Variants in CFAP299 observed in about 807,000 individuals in gnomAD.
The protein encoded by CFAP299 is cilia- and flagella-associated protein 299.
CFAP299 carries 21 observed loss-of-function variants against 27.0 expected under a neutral mutation model. That is an observed-to-expected ratio of 0.78 (90% CI 0.55 to 1.12). The LOEUF (loss-of-function observed/expected upper bound fraction) is 1.12, where lower values mean the gene tolerates loss of function less well. CFAP299 is among the 50% of genes most tolerant of loss of function. The pLI, the probability that CFAP299 is intolerant of heterozygous loss-of-function variation, is 0.00. For missense variants in CFAP299, 310 were observed against 276.6 expected, an observed-to-expected ratio of 1.12 and a Z score of -0.86; for synonymous variants, 104 against 98.1, an observed-to-expected ratio of 1.06 and a Z score of -0.36.
chr4:80,611,484 G>A (rs755650676), intron 3 of CFAP299, among the ~76,000 whole-genome samples: 8 of 151,992 alleles, frequency 5.3e-5, no homozygotes. Context: ...CACTTGTTCT[G>A]TTTATTTTTT....
intron 3 of CFAP299, among the ~76,000 whole-genome samples, chr4:80,769,240 G>A (rs1726068325): frequency 6.6e-6 from 1 of 152,122 alleles, no homozygotes; most frequent in African/African-American, 2.4e-5. Context: ...ATACACTACG[G>A]TATGACATGA....
chr4:80,943,763 T>C (rs111750628), intron 4 of CFAP299, among the ~76,000 whole-genome samples: 5,814 of 152,202 alleles, frequency 0.038, 220 homozygotes, highest in African/African-American at 0.097. Flanking sequence ...AGGAAGTTTC[T>C]GTACAAAATA....
chr4:80,868,905 C>CTCTGTGTGTG (rs1435285713), intron 3 of CFAP299, among the ~76,000 whole-genome samples: 266 of 137,668 alleles, frequency 1.9e-3, no homozygotes, highest in African/African-American at 5.9e-3. Context: ...GCTTCTCTCT[C>CTCTGTGTGTG]TGTGTGTGTG....
At chr4:80,461,071 G>C (rs1434636621) in intron 2 of CFAP299, among the ~76,000 whole-genome samples, 1 of 152,134 alleles carries the variant, frequency 6.6e-6, no homozygotes, top group African/African-American at 2.4e-5. Context: ...ATGGGCAATT[G>C]GTTGAAAGAG....
At chr4:80,857,617 C>A (rs557328381) in intron 3 of CFAP299, among the ~76,000 whole-genome samples, 1 of 152,006 alleles carries the variant, frequency 6.6e-6, no homozygotes, top group Non-Finnish European at 1.5e-5. Context: ...TAGCATGAAG[C>A]GTTGTTGAAT....
chr4:80,608,842 G>T (rs1737814074), intron 3 of CFAP299, among the ~76,000 whole-genome samples: 1 of 142,426 alleles, frequency 7.0e-6, no homozygotes, highest in African/African-American at 2.6e-5. Flanking sequence ...TGTAAAACTG[G>T]GTAAAGCTTA....
chr4:80,416,927 G>A (rs1727041533), intron 2 of CFAP299, among the ~76,000 whole-genome samples: 1 of 152,204 alleles, frequency 6.6e-6, no homozygotes, highest in Non-Finnish European at 1.5e-5. Flanking sequence ...AATTCAGGGT[G>A]AGTCCATAGA....
At chr4:80,350,888 A>T (rs545686035) in intron 1 of CFAP299, among the ~76,000 whole-genome samples, 1 of 152,272 alleles carries the variant, frequency 6.6e-6, no homozygotes, top group Non-Finnish European at 1.5e-5. Context: ...ACCATGGCAC[A>T]TGTATACCTA....
intron 3 of CFAP299, among the ~76,000 whole-genome samples, chr4:80,617,071 G>C (rs1738329554): frequency 6.6e-6 from 1 of 151,900 alleles, no homozygotes; most frequent in South Asian, 2.1e-4. Context: ...AAAGATATAT[G>C]AATGAGAGTA....
At chr4:80,585,533 A>G (rs1414695800) in intron 3 of CFAP299, among the ~76,000 whole-genome samples, 1 of 152,162 alleles carries the variant, frequency 6.6e-6, no homozygotes, top group Non-Finnish European at 1.5e-5. Flanking sequence ...TCTCAAATAA[A>G]TGTGGGAGAG....
At chr4:80,364,780 G>C (rs6855317) in intron 2 of CFAP299, among the ~76,000 whole-genome samples, 1 of 152,054 alleles carries the variant, frequency 6.6e-6, no homozygotes, top group Non-Finnish European at 1.5e-5. Context: ...CAGGCTCACT[G>C]TGTGTCATTC....
rs1183472084 is a variant in CFAP299, at chr4:80,936,419, C to T, written c.477-8391C>T. On this transcript the variant is annotated intron_variant, in intron 4 of 5. Coordinates refer to ENST00000358105, the MANE Select transcript of CFAP299 (RefSeq NM_152770.3). ...TCAATAGTAAACAAGATAAAGAAAA[C>T]GTAGTACATATACAACACACCATGG... Among the ~76,000 whole-genome samples, 7 of 152,016 alleles carry T rather than the reference C, an allele frequency of 4.6e-5. No individual in the cohort carries two copies. The South Asian group carries it at 8.3e-4, about 18-fold the overall frequency.
chr4:80,386,747 G>A, intron 2 of CFAP299: 2 of 1,489,646 alleles, frequency 1.3e-6, no homozygotes, highest in Non-Finnish European at 9.4e-7. Flanking sequence ...GAGGACATGG[G>A]CCTTCAGCTT....
At chr4:80,856,230 T>C (rs1312981534) in intron 3 of CFAP299, among the ~76,000 whole-genome samples, 4 of 148,890 alleles carry the variant, frequency 2.7e-5, no homozygotes, top group East Asian at 1.9e-4. Context: ...TGTTCATGTC[T>C]TTCGCCCACT....
At chr4:80,394,883 G>A (rs1328585883) in intron 2 of CFAP299, among the ~76,000 whole-genome samples, 1 of 151,866 alleles carries the variant, frequency 6.6e-6, no homozygotes, top group Non-Finnish European at 1.5e-5. Context: ...TGCTCTTTTT[G>A]CTCAAGATTT....
At chr4:80,750,168 A>G (rs1392234437) in intron 3 of CFAP299, among the ~76,000 whole-genome samples, 2 of 152,202 alleles carry the variant, frequency 1.3e-5, no homozygotes, top group African/African-American at 4.8e-5. Flanking sequence ...ATAAAATGAT[A>G]TTATAATGAA....
the CFAP299 span, among the ~76,000 whole-genome samples, chr4:80,330,603 T>A: frequency 1.3e-5 from 2 of 152,184 alleles, no homozygotes; most frequent in Non-Finnish European, 2.9e-5. Context: ...AAAGGCCATG[T>A]CATCACATTT....
intron 4 of CFAP299, 111 bp from the exon 5 acceptor site, chr4:80,944,699 T>C: frequency 4.1e-6 from 3 of 729,934 alleles, no homozygotes; most frequent in Non-Finnish European, 6.8e-6. Flanking sequence ...TTGTATGGCA[T>C]GTTTGTATCC....
chr4:80,360,268 G>A (rs1293718283), intron 1 of CFAP299, among the ~76,000 whole-genome samples: 1 of 152,200 alleles, frequency 6.6e-6, no homozygotes, highest in Non-Finnish European at 1.5e-5. Context: ...CTGCCTCTCT[G>A]CAGGCACTCA....
Sources: gnomAD v4.1 joint callset for allele counts (sites outside exome capture counted in the v4.1 genomes callset) on GRCh38, gnomAD v4.1.1 for gene constraint, MANE v1.5 for transcripts, NCBI Gene and HGNC (gene_info 2026-07-23, HGNC 2026-07-21) for gene names.